GOLM1: variants seen among roughly 807,000 people sequenced by gnomAD.
The protein encoded by GOLM1 is epididymis luminal protein 46.
In GOLM1, 31 loss-of-function variants were observed where a neutral mutation model predicts 50.5. The observed-to-expected ratio is 0.61, with a 90% CI of 0.46 to 0.83. The LOEUF (loss-of-function observed/expected upper bound fraction) is 0.83, where lower values mean the gene tolerates loss of function less well. GOLM1 is among the 40% of genes least tolerant of loss of function. The pLI, the probability that GOLM1 is intolerant of heterozygous loss-of-function variation, is 0.00. For missense variants in GOLM1, 491 were observed against 501.3 expected, an observed-to-expected ratio of 0.98 and a Z score of 0.20; for synonymous variants, 178 against 192.8, an observed-to-expected ratio of 0.92 and a Z score of 0.64.
At chr9:86,035,309 G>A (rs1833097651) in intron 8 of GOLM1, 59 bp downstream of exon 8, 1 of 1,584,806 alleles carries the variant, frequency 6.3e-7, no homozygotes, top group African/African-American at 1.3e-5. Flanking sequence ...AGGACATGGA[G>A]GTGGGCTGGG....
intron 3 of GOLM1, among the ~76,000 whole-genome samples, chr9:86,067,434 G>A (rs1033323224): frequency 1.3e-5 from 2 of 152,244 alleles, no homozygotes; most frequent in South Asian, 2.1e-4. Flanking sequence ...AAAGAAAACA[G>A]TATTTCACTG....
chr9:86,046,459 G>A lies in GOLM1; in HGVS notation c.467+11C>T. 6.5e-7 allele frequency: 1 copy of A among 1,529,310 alleles called. No homozygotes were observed. Among genetic ancestry groups the A allele is most frequent in the Non-Finnish European group, 9.1e-7 (1 of 1,102,604 alleles). 94.7% of individuals were successfully genotyped at this position (1,529,310 alleles called of 1,614,324 possible). A position where few individuals can be genotyped will look rare whatever the true frequency, so the allele number is the denominator to read the frequency against. ...CCCTGCACTGTGGCACGCGCTCTGA[G>A]GTGTACTCACAGGTCGTAGGAGAAC... is the stretch of plus-strand genomic sequence containing the variant. On this transcript the variant is annotated intron_variant, in intron 5 of 9. Transcript: ENST00000388712.
At chr9:86,030,095 C>T (rs781507897) in intron 9 of GOLM1, among the ~76,000 whole-genome samples, 24 of 151,838 alleles carry the variant, frequency 1.6e-4, no homozygotes, top group Admixed American at 4.6e-4. Context: ...CCTGTAATCC[C>T]AGCTCCCAGC....
chr9:86,090,799 A>C (rs1835156405), intron 1 of GOLM1, among the ~76,000 whole-genome samples: 1 of 151,036 alleles, frequency 6.6e-6, no homozygotes, highest in Non-Finnish European at 1.5e-5. Flanking sequence ...AAAAAAAAAA[A>C]AAAAAAAAAA....
intron 3 of GOLM1, among the ~76,000 whole-genome samples, chr9:86,060,452 A>G (rs1834120515): frequency 6.6e-6 from 1 of 152,172 alleles, no homozygotes. Context: ...CTTCATGCCT[A>G]CAGCCACCAC....
intron 1 of GOLM1, among the ~76,000 whole-genome samples, chr9:86,099,209 C>T (rs1211273628): frequency 6.6e-6 from 1 of 152,070 alleles, no homozygotes; most frequent in African/African-American, 2.4e-5. Context: ...GGGGCCCAGG[C>T]AGCCGCGGGC....
chr9:86,092,263 A>G lies in GOLM1; in HGVS notation c.-22+7148T>C, dbSNP rs1426454710. 3.3e-5 allele frequency among the ~76,000 whole-genome samples: 5 copies of G among 152,244 alleles called. No individual in the cohort carries two copies. In the East Asian group the frequency reaches 9.6e-4, roughly 29 times the overall value. On this transcript the variant is annotated intron_variant, in intron 1 of 9. Transcript: ENST00000388712. Reference sequence around the variant, plus strand: ...AACTATTAGGGATGGAAAGATGAACAACAAATCATTTCTAGATTCAATCTT... The same window carrying G: ...AACTATTAGGGATGGAAAGATGAACGACAAATCATTTCTAGATTCAATCTT...
At chr9:86,048,797 T>C (rs1182258011) in intron 4 of GOLM1, among the ~76,000 whole-genome samples, 1 of 152,238 alleles carries the variant, frequency 6.6e-6, no homozygotes, top group Non-Finnish European at 1.5e-5. Context: ...GATAGGTAGA[T>C]TCAAAAATTT....
chr9:86,047,147 G>C (rs115103166), intron 4 of GOLM1, among the ~76,000 whole-genome samples: 8 of 145,466 alleles, frequency 5.5e-5, no homozygotes, highest in African/African-American at 2.1e-4. Flanking sequence ...GGGAAAGAGC[G>C]GCTTTCTTTA....
intron 3 of GOLM1, among the ~76,000 whole-genome samples, chr9:86,053,600 A>ACCC (rs1833870652): frequency 8.4e-4 from 1 of 1,194 alleles, no homozygotes; most frequent in Non-Finnish European, 1.8e-3. Flanking sequence ...ACCACTCCAC[A>ACCC]CACACATCAC....
At chr9:86,085,456 T>TTTG in intron 1 of GOLM1, among the ~76,000 whole-genome samples, 1 of 95,440 alleles carries the variant, frequency 1.0e-5, no homozygotes, top group Non-Finnish European at 1.8e-5. Flanking sequence ...AGTTTTTGTT[T>TTTG]TTTTTTTTTT....
intron 2 of GOLM1, among the ~76,000 whole-genome samples, chr9:86,078,337 C>T (rs1834680357): frequency 6.6e-6 from 1 of 152,156 alleles, no homozygotes; most frequent in South Asian, 2.1e-4. Context: ...GGAAATTGTG[C>T]TCAATGCCGA....
chr9:86,038,160 G>GAAA lies in GOLM1; in HGVS notation c.598-1656_598-1654dup, dbSNP rs552680791. 7.1e-3 allele frequency among the ~76,000 whole-genome samples: 629 copies of GAAA among 88,362 alleles called. 3 individuals are homozygous for GAAA. The highest frequency in any genetic ancestry group is 0.022 in the African/African-American group (602 of 26,794). The allele number at this position is 88,362 out of a possible 152,430, so 58.0% of individuals were successfully genotyped here. On this transcript the variant is annotated intron_variant, in intron 6 of 9. Transcript: ENST00000388712. ...TAAAAGCAAAACTCCAACACCAAAA[G>GAAA]AAAAAAAAAAAAAAGAAAAAGAAAA...
intron 6 of GOLM1, among the ~76,000 whole-genome samples, chr9:86,038,553 G>T (rs187142140): frequency 7.9e-4 from 120 of 152,236 alleles, no homozygotes; most frequent in Admixed American, 2.4e-3. Context: ...TAGGGAGTGG[G>T]TACTGAAGAG....
chr9:86,076,796 C>A (rs1350697960), intron 3 of GOLM1, among the ~76,000 whole-genome samples: 1 of 150,066 alleles, frequency 6.7e-6, no homozygotes, highest in African/African-American at 2.5e-5. Flanking sequence ...ACCCGGGAGG[C>A]AGAGTGAGCC....
chr9:86,061,088 G>A (rs7021733), intron 3 of GOLM1, among the ~76,000 whole-genome samples: 63,396 of 151,672 alleles, frequency 0.42, 17,557 homozygotes, highest in East Asian at 0.85. Flanking sequence ...GGCACGAGTT[G>A]TAATCGCTGA....
At chr9:86,090,221 G>T (rs780138225) in intron 1 of GOLM1, among the ~76,000 whole-genome samples, 2 of 152,162 alleles carry the variant, frequency 1.3e-5, no homozygotes, top group African/African-American at 2.4e-5. Context: ...GAGGCACAGG[G>T]GTCAGGGACC....
chr9:86,028,359 GCCAAGGGAAAT>G (rs1410705451), intron 9 of GOLM1, among the ~76,000 whole-genome samples: 2 of 152,186 alleles, frequency 1.3e-5, no homozygotes, highest in Non-Finnish European at 2.9e-5. Flanking sequence ...CGATTCGGAC[GCCAAGGGAAAT>G]TCGGCCAAGG....
chr9:86,059,724 G>A (rs577757488), intron 3 of GOLM1, among the ~76,000 whole-genome samples: 4 of 150,994 alleles, frequency 2.6e-5, no homozygotes, highest in South Asian at 2.1e-4. Context: ...CTGAAACCCC[G>A]TCTCTACTAA....
Sources: allele counts gnomAD v4.1 joint callset (sites outside exome capture counted in the v4.1 genomes callset), GRCh38; gene constraint gnomAD v4.1.1; transcripts MANE v1.5; gene names NCBI Gene and HGNC (gene_info 2026-07-23, HGNC 2026-07-21).